GRM7: variants seen among roughly 807,000 people sequenced by gnomAD.
GRM7 encodes the protein metabotropic glutamate receptor 7.
In GRM7, 35 loss-of-function variants were observed where a neutral mutation model predicts 84.5. The ratio of observed to expected loss-of-function variants is 0.41; its 90% confidence interval spans 0.32 to 0.55. The LOEUF (loss-of-function observed/expected upper bound fraction) is 0.55, where lower values mean the gene tolerates loss of function less well. GRM7 is among the 20% of genes least tolerant of loss of function. The probability of loss-of-function intolerance (pLI) is 0.19; values close to 1 mark genes in which losing one functional copy is unlikely to be tolerated. For synonymous variants in GRM7, 487 were observed against 455.1 expected (o/e 1.07, Z -0.89); for missense variants, 1,003 against 1,194.6 (o/e 0.84, Z 2.36).
At chr3:7,528,575 G>A (rs990046983) in intron 7 of GRM7, among the ~76,000 whole-genome samples, 1 of 151,758 alleles carries the variant, frequency 6.6e-6, no homozygotes, top group Non-Finnish European at 1.5e-5. Context: ...TGTTTAGTTT[G>A]TTCTTGTTTT....
intron 1 of GRM7, among the ~76,000 whole-genome samples, chr3:7,132,586 A>T (rs181308146): frequency 1.3e-3 from 199 of 152,340 alleles, no homozygotes; most frequent in African/African-American, 4.5e-3. Context: ...GGCATATCAA[A>T]GGTTGAAAAA....
intron 9 of GRM7, among the ~76,000 whole-genome samples, chr3:7,721,691 A>C (rs1203233183): frequency 6.6e-6 from 1 of 152,256 alleles, no homozygotes; most frequent in Non-Finnish European, 1.5e-5. Context: ...TGATTTTGCA[A>C]ATGGTGTCAC....
chr3:7,455,273 A>T (rs932614967), intron 6 of GRM7, among the ~76,000 whole-genome samples: 2 of 152,194 alleles, frequency 1.3e-5, no homozygotes, highest in Non-Finnish European at 2.9e-5. Context: ...TAAAGACCTA[A>T]GTAGTAATTT....
intron 8 of GRM7, among the ~76,000 whole-genome samples, chr3:7,640,292 G>T (rs1361939139): frequency 6.6e-6 from 1 of 152,186 alleles, no homozygotes; most frequent in Admixed American, 6.6e-5. Flanking sequence ...TGGGACAGGT[G>T]TTCTATAGCA....
chr3:7,261,557 T>A (rs1167455233), intron 2 of GRM7, among the ~76,000 whole-genome samples: 1 of 152,220 alleles, frequency 6.6e-6, no homozygotes, highest in Non-Finnish European at 1.5e-5. Context: ...AGCTTGCCAC[T>A]GCGTGTCTTT....
intron 2 of GRM7, among the ~76,000 whole-genome samples, chr3:7,150,069 A>ATGTG (rs143326868): frequency 2.1e-5 from 3 of 143,384 alleles, no homozygotes; most frequent in Admixed American, 1.4e-4. Context: ...GTATACATAT[A>ATGTG]TGTGTGTGTG....
In GRM7 at chr3:7,141,292, A is replaced by G. The variant is rs1693937086; in HGVS notation, c.520-5160A>G. 2.6e-5 allele frequency among the ~76,000 whole-genome samples: 4 copies of G among 152,132 alleles called. No individual in the cohort carries two copies. In the South Asian group the frequency reaches 6.2e-4, roughly 24 times the overall value. ...AATCTACAGAAATTAATAGATTCCT[A>G]TATGGCAGCAATAAAGAGATAACAA... On this transcript the variant is annotated intron_variant, in intron 1 of 9. Transcript: ENST00000357716.
rs529998811 is a variant in GRM7, at chr3:7,529,427, G to GGCAT, written c.1516-48994_1516-48991dup. On this transcript the variant is annotated intron_variant, in intron 7 of 9. Transcript: ENST00000357716. ...CACATCCATTCAAGTTTTGGGATTT[G>GGCAT]GCATAGCAAGGAGACACTGCAAGGG... 6.4e-3 allele frequency among the ~76,000 whole-genome samples: 971 copies of GGCAT among 152,184 alleles called. 8 individuals carry two copies. The highest frequency in any genetic ancestry group is 0.022 in the African/African-American group (901 of 41,530).
chr3:7,663,083 A>T (rs1315593882), intron 8 of GRM7, among the ~76,000 whole-genome samples: 1 of 152,176 alleles, frequency 6.6e-6, no homozygotes, highest in African/African-American at 2.4e-5. Context: ...TGGAACTGAG[A>T]TGCCCATGAG....
chr3:7,393,180 C>G (rs756456656), intron 4 of GRM7, among the ~76,000 whole-genome samples: 1 of 152,126 alleles, frequency 6.6e-6, no homozygotes, highest in Non-Finnish European at 1.5e-5. Flanking sequence ...GCCCCTTCTC[C>G]CCTGTCTCTC....
At chr3:6,868,261 C>G (rs996816657) in intron 1 of GRM7, among the ~76,000 whole-genome samples, 7 of 152,158 alleles carry the variant, frequency 4.6e-5, no homozygotes, top group South Asian at 2.1e-4. Flanking sequence ...CAACAAACCA[C>G]TACGTATACT....
chr3:7,029,156 T>C (rs1696091356), intron 1 of GRM7, among the ~76,000 whole-genome samples: 1 of 151,858 alleles, frequency 6.6e-6, no homozygotes, highest in African/African-American at 2.4e-5. Context: ...ATACAAAAAT[T>C]AGTTTGGTGT....
In GRM7 at chr3:7,562,006, C is replaced by A. The variant is rs1050725769; in HGVS notation, c.1516-16416C>A. The stretch of plus-strand genomic sequence containing the variant: ...GTCACTGCCACATCCCCTGAACTCG[C>A]AACTGAGTTTGAAACTCCAACTGCT... On this transcript the variant is annotated intron_variant, in intron 7 of 9. Transcript: ENST00000357716. Among the ~76,000 whole-genome samples, 4 of 152,100 alleles carry A rather than the reference C, an allele frequency of 2.6e-5. No individual in the cohort carries two copies. The South Asian group carries it at 6.2e-4, about 24-fold the overall frequency.
intron 2 of GRM7, among the ~76,000 whole-genome samples, chr3:7,148,757 T>C (rs1309237534): frequency 1.3e-5 from 2 of 152,146 alleles, no homozygotes; most frequent in Non-Finnish European, 2.9e-5. Context: ...AATCCTACAT[T>C]GAAAAGCCCC....
chr3:7,624,536 C>A (rs1356526989), intron 8 of GRM7, among the ~76,000 whole-genome samples: 2 of 152,136 alleles, frequency 1.3e-5, no homozygotes, highest in Non-Finnish European at 1.5e-5. Context: ...GGATGCACAA[C>A]CCTTCCCAGA....
intron 8 of GRM7, among the ~76,000 whole-genome samples, chr3:7,580,381 C>T (rs1003746606): frequency 5.3e-5 from 8 of 152,090 alleles, no homozygotes; most frequent in African/African-American, 1.7e-4. Flanking sequence ...TCTGATTCCA[C>T]GTTACTTTGG....
intron 8 of GRM7, among the ~76,000 whole-genome samples, chr3:7,648,248 G>GTTT (rs60434793): frequency 0.12 from 17,119 of 145,900 alleles, 1,864 homozygotes; most frequent in African/African-American, 0.29. Flanking sequence ...GCTATAAATA[G>GTTT]TTTTTTTTTT....
At chr3:7,487,582 G>A (rs1367729827) in intron 7 of GRM7, among the ~76,000 whole-genome samples, 2 of 152,174 alleles carry the variant, frequency 1.3e-5, no homozygotes, top group East Asian at 1.9e-4. Flanking sequence ...GTGGTCCCAG[G>A]TGTGACTCAG....
chr3:7,563,280 T>C (rs1050402794), intron 7 of GRM7, among the ~76,000 whole-genome samples: 10 of 152,182 alleles, frequency 6.6e-5, no homozygotes, highest in Non-Finnish European at 1.3e-4. Flanking sequence ...AAAAGAAGAA[T>C]GACAAGTGTT....
Sources: allele counts gnomAD v4.1 joint callset (sites outside exome capture counted in the v4.1 genomes callset), GRCh38; gene constraint gnomAD v4.1.1; transcripts MANE v1.5; gene names NCBI Gene and HGNC (gene_info 2026-07-23, HGNC 2026-07-21).